The following ADA2 variants were observed in gnomAD, a reference collection of about 807,000 sequenced individuals.
The protein encoded by ADA2 is adenosine deaminase 2, also known as adenosine deaminase CECR1.
Under a neutral mutation model 44.2 loss-of-function variants are expected in ADA2, and 29 were observed. That is an observed-to-expected ratio of 0.66 (90% CI 0.49 to 0.89). The LOEUF (loss-of-function observed/expected upper bound fraction) is 0.89. Ranked by LOEUF, ADA2 falls within the 40% of genes least tolerant of loss-of-function variation. The pLI, the probability that ADA2 is intolerant of heterozygous loss-of-function variation, is 0.00. For missense variants in ADA2, 637 were observed against 644.8 expected (o/e 0.99, Z 0.13); for synonymous variants, 215 against 234.9 (o/e 0.92, Z 0.77).
At chr22:17,185,681 T>C (rs1233605820) in intron 7 of ADA2, among the ~76,000 whole-genome samples, 3 of 152,166 alleles carry the variant, frequency 2.0e-5, no homozygotes, top group Admixed American at 1.3e-4. Flanking sequence ...TCTGCTCTCC[T>C]AGAGCAGACT....
intron 1 of ADA2, among the ~76,000 whole-genome samples, chr22:17,215,482 T>C (rs537594758): frequency 2.0e-5 from 3 of 151,970 alleles, no homozygotes; most frequent in African/African-American, 7.2e-5. Context: ...GGCGGATGCC[T>C]GTAATCCCAG....
intron 4 of ADA2, among the ~76,000 whole-genome samples, chr22:17,196,772 TAGAC>T (rs769362271): frequency 2.4e-4 from 37 of 152,214 alleles, no homozygotes; most frequent in Non-Finnish European, 4.3e-4. Context: ...CAAGGGCAAA[TAGAC>T]AGTTGTTGGC....
intron 5 of ADA2, 111 bp downstream of exon 5, chr22:17,191,572 G>A (rs2062114610): frequency 1.6e-6 from 2 of 1,214,372 alleles, no homozygotes; most frequent in Admixed American, 3.5e-5. Context: ...CACCAGTGCT[G>A]GGCCTCTCCC....
At chr22:17,202,536 G>C (rs768598067) in intron 4 of ADA2, among the ~76,000 whole-genome samples, 4 of 151,998 alleles carry the variant, frequency 2.6e-5, no homozygotes, top group Non-Finnish European at 4.4e-5. Context: ...CAAAGTGCTG[G>C]GATTATAGGC....
At position 17,203,696 on chromosome 22, in the gene ADA2, A is replaced by C. The variant is rs1292778015; in HGVS notation, c.620T>G (p.Phe207Cys). ...YTNQNVVWSK[F>C]ETIFFTISGL... The stretch of plus-strand genomic sequence containing the variant: ...AGAGATGGTGAAGAAGATGGTTTCA[A>C]ATTTCGACCAGACAACATTTTGGTT... The change falls in exon 4 of 10, where the codon TTT (phenylalanine) becomes TGT (cysteine). Residue 207 changes from phenylalanine (F) to cysteine (C), a missense_variant. Coordinates refer to ENST00000399837, the MANE Select transcript of ADA2 (RefSeq NM_001282225.2). 3.1e-6 allele frequency: 5 copies of C among 1,614,166 alleles called. No homozygotes were observed. The highest frequency in any genetic ancestry group is 3.4e-6 in the Non-Finnish European group (4 of 1,179,998).
chr22:17,190,077 CAG>C (rs1248145406), intron 5 of ADA2, 45 bp from the exon 6 acceptor site: 1 of 1,443,660 alleles, frequency 6.9e-7, no homozygotes, highest in South Asian at 1.1e-5. Context: ...CCAGCACCGA[CAG>C]AGCACAAACC....
In ADA2 at chr22:17,191,804, C is replaced by T. The variant is rs2062118514; in HGVS notation, c.760G>A (p.Glu254Lys). 2 of 1,612,514 alleles carry T rather than the reference C, an allele frequency of 1.2e-6. No homozygotes were observed. The highest frequency in any genetic ancestry group is 1.7e-6 in the Non-Finnish European group (2 of 1,179,654). Residue 254 changes from glutamate (E) to lysine (K), a missense_variant, in exon 5 of 10, where the codon GAG becomes AAG. Transcript: ENST00000399837. ...TCGTCATGGTGCTCTCCACTGAGCT[C>T]ATACACCTGGGAAGAAAGCACAACC... Reference protein sequence around the residue: ...EIRARLLPVYELSGEHHDEEW... With the variant: ...EIRARLLPVYKLSGEHHDEEW...
chr22:17,218,499 A>C (rs1392447237), intron 1 of ADA2, among the ~76,000 whole-genome samples: 1 of 152,152 alleles, frequency 6.6e-6, no homozygotes, highest in Non-Finnish European at 1.5e-5. Context: ...GGGCAGGAGC[A>C]CGGTGACTTC....
Position 17,199,641 on chromosome 22 carries a change from C to A in ADA2, c.753+3922G>T. 1.9e-6 allele frequency: 3 copies of A among 1,613,524 alleles called. No homozygotes were observed. In the South Asian group the frequency reaches 3.3e-5, roughly 18 times the overall value. ...CTCTGGGATCGCCATTTGAGGTGGG[C>A]GTGGCTATTAGGACGCTCAGAGAGC... On this transcript the variant is annotated intron_variant, in intron 4 of 9. Transcript: ENST00000399837.
In ADA2 at chr22:17,188,234, G is replaced by A. The variant is rs568819025; in HGVS notation, c.1081+105C>T. On this transcript the variant is annotated intron_variant, in intron 7 of 9. Transcript: ENST00000399837. ...TTAAGTGAGATAGAGCACAGGAAAG[G>A]GCTCTGGAAACGCCTGTAGGCTCTA... 1.8e-5 allele frequency: 13 copies of A among 711,254 alleles called. No homozygotes were observed. In the East Asian group the frequency reaches 3.3e-4, roughly 18 times the overall value. The allele number at this position is 711,254 out of a possible 1,614,324, so 44.1% of individuals were successfully genotyped here. A position where few individuals can be genotyped will look rare whatever the true frequency, so the allele number is the denominator to read the frequency against.
intron 4 of ADA2, among the ~76,000 whole-genome samples, chr22:17,201,214 A>G (rs1297557158): frequency 1.3e-5 from 2 of 149,502 alleles, no homozygotes; most frequent in Non-Finnish European, 3.0e-5. Context: ...AAAAAAAAAA[A>G]GAAGAAGAAG....
chr22:17,209,768 G>T, intron 1 of ADA2, 45 bp from the exon 2 acceptor site: 1 of 976,078 alleles, frequency 1.0e-6, no homozygotes, highest in Non-Finnish European at 1.5e-6. Flanking sequence ...ATTTAAGGGT[G>T]GAACTCTGAT....
chr22:17,186,177 TC>T (rs1157098015), intron 7 of ADA2, among the ~76,000 whole-genome samples: 1 of 152,164 alleles, frequency 6.6e-6, no homozygotes, highest in Admixed American at 6.5e-5. Flanking sequence ...CTGGTTCTCC[TC>T]CCTCTTCTGC....
Position 17,181,324 on chromosome 22 carries a change from C to G in ADA2, c.*159G>C. The G allele has an allele frequency of 1.5e-6, 1 of 651,948 alleles. No homozygotes were observed. The highest frequency in any genetic ancestry group is 2.8e-6 in the Non-Finnish European group (1 of 358,380). The allele number at this position is 651,948 out of a possible 1,614,324, so 40.4% of individuals were successfully genotyped here. ...CACTGTGGCTGAGAGAGAATATTTC[C>G]AGAGGATGAATTTGCTCAGCCAGCC... is the stretch of plus-strand genomic sequence containing the variant. On this transcript the variant is annotated 3_prime_UTR_variant, in exon 10 of 10. Transcript: ENST00000399837.
chr22:17,210,824 G>C (rs1206358623), intron 1 of ADA2, among the ~76,000 whole-genome samples: 1 of 151,932 alleles, frequency 6.6e-6, no homozygotes, highest in South Asian at 2.1e-4. Context: ...CTAGCCTCAA[G>C]TGATCCACTC....
chr22:17,185,291 G>A (rs1379649364), intron 7 of ADA2, among the ~76,000 whole-genome samples: 1 of 151,314 alleles, frequency 6.6e-6, no homozygotes, highest in East Asian at 2.0e-4. Context: ...GCAGGCGCCC[G>A]AGTAGTCCCA....
intron 3 of ADA2, among the ~76,000 whole-genome samples, chr22:17,204,123 T>C (rs952374423): frequency 3.3e-5 from 5 of 152,176 alleles, no homozygotes; most frequent in African/African-American, 9.6e-5. Context: ...CTCTCTCTCT[T>C]TTTTTCTTCC....
chr22:17,185,039 T>C (rs2062020577), intron 7 of ADA2, among the ~76,000 whole-genome samples: 2 of 140,000 alleles, frequency 1.4e-5, no homozygotes, highest in Non-Finnish European at 3.1e-5. Context: ...GAAATAAAAC[T>C]CAAGAATTTC....
intron 3 of ADA2, among the ~76,000 whole-genome samples, chr22:17,204,295 G>T (rs1347626114): frequency 6.6e-6 from 1 of 152,150 alleles, no homozygotes; most frequent in African/African-American, 2.4e-5. Context: ...TAAGGATGGG[G>T]CTCTACCCTA....
Sources: gnomAD v4.1 joint callset for allele counts (sites outside exome capture counted in the v4.1 genomes callset) on GRCh38, gnomAD v4.1.1 for gene constraint, MANE v1.5 for transcripts, NCBI Gene and HGNC (gene_info 2026-07-23, HGNC 2026-07-21) for gene names.